The following SLC35D4 variants were observed in gnomAD, a reference collection of about 807,000 sequenced individuals.
SLC35D4 encodes the protein solute carrier family 35 member D4.
chr18:23,407,312 G>A, the SLC35D4 span, among the ~76,000 whole-genome samples: 1 of 152,116 alleles, frequency 6.6e-6, no homozygotes, highest in Non-Finnish European at 1.5e-5. Flanking sequence ...TGCCCTTCTG[G>A]CTTTTCTATA....
At chr18:23,360,439 A>G in the SLC35D4 span, among the ~76,000 whole-genome samples, 1 of 152,238 alleles carries the variant, frequency 6.6e-6, no homozygotes, top group African/African-American at 2.4e-5. Context: ...ATGGAACCCT[A>G]CCAGCAACAA....
the SLC35D4 span, chr18:23,259,497 CTTT>C: frequency 6.6e-6 from 1 of 152,346 alleles, no homozygotes; most frequent in Admixed American, 6.5e-5. Context: ...TGGTCCATTA[CTTT>C]TTAAAGATGC....
chr18:23,371,451 A>C, the SLC35D4 span: 1 of 1,598,722 alleles, frequency 6.3e-7, no homozygotes, highest in South Asian at 1.1e-5. Context: ...TATAGCCCAA[A>C]AATATCCATC....
the SLC35D4 span, among the ~76,000 whole-genome samples, chr18:23,288,762 C>T: frequency 1.3e-5 from 2 of 152,160 alleles, no homozygotes; most frequent in East Asian, 3.9e-4. Flanking sequence ...CGATAGCAGA[C>T]CGGCCTTTAT....
At chr18:23,336,260 T>C in the SLC35D4 span, among the ~76,000 whole-genome samples, 2 of 152,122 alleles carry the variant, frequency 1.3e-5, no homozygotes, top group Non-Finnish European at 2.9e-5. Context: ...ATAACTAACT[T>C]CTTGGCTGGC....
At chr18:23,328,264 G>T in the SLC35D4 span, among the ~76,000 whole-genome samples, 2 of 152,140 alleles carry the variant, frequency 1.3e-5, no homozygotes, top group Non-Finnish European at 2.9e-5. Context: ...AAGTCAAATT[G>T]TCTCTATTTG....
chr18:23,259,104 A>G, the SLC35D4 span: 19 of 152,214 alleles, frequency 1.2e-4, no homozygotes, highest in African/African-American at 4.3e-4. Flanking sequence ...AGCAAAATTG[A>G]GAAAATATTC....
the SLC35D4 span, among the ~76,000 whole-genome samples, chr18:23,414,075 C>A: frequency 6.7e-6 from 1 of 149,080 alleles, no homozygotes; most frequent in Non-Finnish European, 1.5e-5. Context: ...GCCAAGATGG[C>A]GAAACCCCGT....
At chr18:23,286,129 A>G in the SLC35D4 span, among the ~76,000 whole-genome samples, 8 of 152,206 alleles carry the variant, frequency 5.3e-5, no homozygotes. Context: ...AACAGGACTT[A>G]ATTAACCTCG....
the SLC35D4 span, among the ~76,000 whole-genome samples, chr18:23,349,831 T>C: frequency 6.6e-6 from 1 of 152,228 alleles, no homozygotes; most frequent in Non-Finnish European, 1.5e-5. Context: ...TCCATTTGGT[T>C]CTTTCTTTTC....
the SLC35D4 span, chr18:23,437,904 G>A: frequency 6.4e-7 from 1 of 1,570,892 alleles, no homozygotes. Flanking sequence ...CAAATCCCCT[G>A]GCCGCCGCCC....
the SLC35D4 span, among the ~76,000 whole-genome samples, chr18:23,402,624 G>A: frequency 1.3e-5 from 2 of 152,086 alleles, no homozygotes; most frequent in East Asian, 3.9e-4. Context: ...GGGCAACACA[G>A]CAAGCCTGTC....
At chr18:23,252,125 C>T in the SLC35D4 span, among the ~76,000 whole-genome samples, 4 of 151,776 alleles carry the variant, frequency 2.6e-5, no homozygotes, top group South Asian at 6.2e-4. Context: ...TAAAATAAGC[C>T]TATGACAAAA....
At chr18:23,428,195 A>G in the SLC35D4 span, among the ~76,000 whole-genome samples, 2 of 135,914 alleles carry the variant, frequency 1.5e-5, no homozygotes, top group South Asian at 4.4e-4. Context: ...GAATTTATTA[A>G]ATTAATAAGA....
chr18:23,241,060 C>G, the SLC35D4 span, among the ~76,000 whole-genome samples: 3 of 152,206 alleles, frequency 2.0e-5, no homozygotes, highest in African/African-American at 7.2e-5. Flanking sequence ...CCCCTTCCTG[C>G]AAAAGCAATT....
At chr18:23,380,999 T>C in the SLC35D4 span, among the ~76,000 whole-genome samples, 12 of 152,304 alleles carry the variant, frequency 7.9e-5, no homozygotes, top group Admixed American at 2.0e-4. Flanking sequence ...CATTTAACAG[T>C]CTGTGAGGTG....
At chr18:23,373,655 C>T in the SLC35D4 span, 4 of 1,592,092 alleles carry the variant, frequency 2.5e-6, no homozygotes, top group Non-Finnish European at 3.4e-6. Flanking sequence ...TGGTCATACA[C>T]CCAGGCTTCA....
the SLC35D4 span, among the ~76,000 whole-genome samples, chr18:23,394,694 G>A: frequency 0.31 from 47,531 of 151,894 alleles, 8,866 homozygotes; most frequent in East Asian, 0.47. Context: ...TTTTATGGCC[G>A]TGCGCAGTGG....
At chr18:23,254,506 C>T in the SLC35D4 span, among the ~76,000 whole-genome samples, 3 of 152,262 alleles carry the variant, frequency 2.0e-5, no homozygotes, top group African/African-American at 7.2e-5. Flanking sequence ...AAGACAGATC[C>T]ATTGAGAAGA....
Sources: gnomAD v4.1 joint callset for allele counts (sites outside exome capture counted in the v4.1 genomes callset) on GRCh38, gnomAD v4.1.1 for gene constraint, MANE v1.5 for transcripts, NCBI Gene and HGNC (gene_info 2026-07-23, HGNC 2026-07-21) for gene names.